Variants in SLC44A5 observed in about 807,000 individuals in gnomAD.
SLC44A5 encodes the protein solute carrier family 44 member 5, also known as choline transporter-like protein 5.
SLC44A5 carries 57 observed loss-of-function variants against 101.8 expected under a neutral mutation model. The ratio of observed to expected loss-of-function variants is 0.56; its 90% CI spans 0.45 to 0.70. The LOEUF is 0.70. Among genes scored for constraint, SLC44A5 ranks in the 30% least tolerant of loss-of-function variants. The pLI is 0.00. For synonymous variants in SLC44A5, 281 were observed against 290.9 expected (o/e 0.97, Z 0.35); for missense variants, 737 against 853.1 (o/e 0.86, Z 1.70).
At chr1:75,541,571 T>C (rs532976679) in intron 1 of SLC44A5, 55 bp from the exon 2 acceptor site, 4 of 1,216,396 alleles carry the variant, frequency 3.3e-6, no homozygotes, top group African/African-American at 3.1e-5. Context: ...TTTTTACTCA[T>C]TAACAACTAA....
At chr1:75,271,497 T>TTTTTTTTGTGTGTTTG (rs1553152601) in intron 6 of SLC44A5, among the ~76,000 whole-genome samples, 1 of 146,304 alleles carries the variant, frequency 6.8e-6, no homozygotes. Context: ...TCTGCATGTT[T>TTTTTTTTGTGTGTTTG]TGTGTGTGTG....
intron 4 of SLC44A5, among the ~76,000 whole-genome samples, chr1:75,323,503 T>G (rs1224393055): frequency 6.6e-6 from 1 of 152,192 alleles, no homozygotes; most frequent in African/African-American, 2.4e-5. Flanking sequence ...TCTAGATCCC[T>G]GAGGAATCGC....
the SLC44A5 span, among the ~76,000 whole-genome samples, chr1:75,639,302 A>G: frequency 6.6e-6 from 1 of 152,128 alleles, no homozygotes; most frequent in Non-Finnish European, 1.5e-5. Context: ...ACATACTGTG[A>G]TAAACACATG....
chr1:75,639,928 T>G, the SLC44A5 span, among the ~76,000 whole-genome samples: 2 of 152,074 alleles, frequency 1.3e-5, no homozygotes, highest in African/African-American at 4.8e-5. Context: ...CTGCTTGATT[T>G]GTTAACTTTT....
the SLC44A5 span, among the ~76,000 whole-genome samples, chr1:75,695,075 A>G: frequency 6.6e-6 from 1 of 152,200 alleles, no homozygotes; most frequent in Admixed American, 6.5e-5. Flanking sequence ...AAGGCAATTG[A>G]TTAGACTACT....
chr1:75,511,143 AG>A (rs1462328775), intron 2 of SLC44A5, among the ~76,000 whole-genome samples: 4 of 152,274 alleles, frequency 2.6e-5, no homozygotes, highest in African/African-American at 9.6e-5. Context: ...ACTCCGTCTC[AG>A]AAAAAAAGAA....
chr1:75,349,978 A>G (rs1336314888), intron 3 of SLC44A5, among the ~76,000 whole-genome samples: 1 of 152,152 alleles, frequency 6.6e-6, no homozygotes, highest in East Asian at 1.9e-4. Flanking sequence ...GAAAATAAAC[A>G]TAGACCAGTC....
chr1:75,712,889 T>A, the SLC44A5 span, among the ~76,000 whole-genome samples: 1 of 152,114 alleles, frequency 6.6e-6, no homozygotes, highest in African/African-American at 2.4e-5. Context: ...CTGTCATAAT[T>A]CTTAATAATT....
intron 2 of SLC44A5, among the ~76,000 whole-genome samples, chr1:75,444,472 A>T (rs1665408693): frequency 8.5e-6 from 1 of 117,842 alleles, no homozygotes; most frequent in Non-Finnish European, 1.9e-5. Flanking sequence ...AAAAAAAGAA[A>T]GAGAAAGAAA....
At chr1:75,443,431 CAT>C (rs1665323420) in intron 2 of SLC44A5, among the ~76,000 whole-genome samples, 1 of 151,634 alleles carries the variant, frequency 6.6e-6, no homozygotes, top group Non-Finnish European at 1.5e-5. Context: ...TAACTACAAA[CAT>C]AGGAATGTTT....
intron 5 of SLC44A5, among the ~76,000 whole-genome samples, chr1:75,291,097 GT>G (rs916247435): frequency 3.9e-5 from 6 of 151,920 alleles, no homozygotes; most frequent in South Asian, 4.2e-4. Context: ...ACACCTGTGG[GT>G]TTTTTTTGTT....
intron 6 of SLC44A5, among the ~76,000 whole-genome samples, chr1:75,271,772 A>AC (rs1240796013): frequency 1.3e-5 from 2 of 152,036 alleles, no homozygotes; most frequent in East Asian, 3.9e-4. Flanking sequence ...TGCTGCTGTA[A>AC]ACATGTGTGT....
chr1:75,465,729 T>C (rs1037464021), intron 2 of SLC44A5, among the ~76,000 whole-genome samples: 54 of 151,980 alleles, frequency 3.6e-4, no homozygotes, highest in African/African-American at 1.1e-3. Context: ...ATTCAAAAGA[T>C]CCTTAGTGGC....
chr1:75,622,699 G>A, the SLC44A5 span, among the ~76,000 whole-genome samples: 2 of 151,894 alleles, frequency 1.3e-5, no homozygotes, highest in African/African-American at 4.8e-5. Flanking sequence ...AACTCTCAAG[G>A]TTTTCTGAAA....
intron 6 of SLC44A5, among the ~76,000 whole-genome samples, chr1:75,265,456 A>T (rs1036996385): frequency 1.3e-5 from 2 of 152,158 alleles, no homozygotes; most frequent in African/African-American, 2.4e-5. Context: ...TAATGGGTAC[A>T]AACATAGAAT....
intron 4 of SLC44A5, among the ~76,000 whole-genome samples, chr1:75,314,693 C>T (rs1194067090): frequency 6.6e-6 from 1 of 152,144 alleles, no homozygotes; most frequent in Non-Finnish European, 1.5e-5. Context: ...AGGAGATCAG[C>T]ATCAAATAAC....
rs759829509 is a variant in SLC44A5, at chr1:75,213,765, T to G, written c.1902A>C (p.Gln634His). The change falls in exon 22 of 24, where the codon CAA (glutamine) becomes CAC (histidine). Residue 634 changes from glutamine to histidine, a missense_variant. Around this residue, in one of 3 missense-constraint regions of SLC44A5, gnomAD observed 665 missense variants for 764.4 expected, o/e 0.87. Transcript: ENST00000370859. Reference sequence around the variant, plus strand: ...GTCCTTGTGCAATCACTGGCAGTCTTTGTGTGAAGAATAGGAAGGCCAGAA... The same window carrying G: ...GTCCTTGTGCAATCACTGGCAGTCTGTGTGTGAAGAATAGGAAGGCCAGAA... Reference protein sequence around the residue: ...IGVLAFLFFTQRLPVIAQGPA... With the variant: ...IGVLAFLFFTHRLPVIAQGPA... The G allele has an allele frequency of 6.2e-7, 1 of 1,613,006 alleles. No individual in the cohort carries two copies.
At chr1:75,443,696 T>G (rs1557789000) in intron 2 of SLC44A5, among the ~76,000 whole-genome samples, 1 of 151,448 alleles carries the variant, frequency 6.6e-6, no homozygotes, top group African/African-American at 2.4e-5. Context: ...AAAAAGAAAA[T>G]ATTCCCAAAC....
chr1:75,567,076 C>T (rs1488660908), intron 1 of SLC44A5, among the ~76,000 whole-genome samples: 1 of 152,024 alleles, frequency 6.6e-6, no homozygotes, highest in Non-Finnish European at 1.5e-5. Context: ...GGTGGGTGCT[C>T]AACCTATATG....
Sources: allele counts gnomAD v4.1 joint callset (sites outside exome capture counted in the v4.1 genomes callset), GRCh38; gene constraint gnomAD v4.1.1; regional missense constraint gnomAD v4.1.1; transcripts MANE v1.5; gene names NCBI Gene and HGNC (gene_info 2026-07-23, HGNC 2026-07-21).